Variants in NPM1 observed in about 807,000 individuals in gnomAD.
NPM1 encodes the protein nucleophosmin.
In NPM1, 1 loss-of-function variant was observed where a neutral mutation model predicts 44.1. The observed-to-expected ratio is 0.02, with a 90% CI of 0.01 to 0.11. NPM1 has a LOEUF of 0.11. NPM1 is among the 10% of genes least tolerant of loss of function. The pLI is 1.00. For synonymous variants in NPM1, 126 were observed against 111.8 expected (o/e 1.13, Z -0.80); for missense variants, 197 against 347.8 (o/e 0.57, Z 3.45).
At chr5:171,398,492 T>C (rs898784264) in intron 6 of NPM1, among the ~76,000 whole-genome samples, 4 of 152,176 alleles carry the variant, frequency 2.6e-5, no homozygotes, top group Admixed American at 2.0e-4. Context: ...GAGTCACTTA[T>C]GGCTGGGTGT....
chr5:171,406,602 C>G (rs528965239), intron 9 of NPM1: 1 of 1,390,416 alleles, frequency 7.2e-7, no homozygotes, highest in Non-Finnish European at 9.3e-7. Flanking sequence ...GCACTTTCTT[C>G]TGACTGCTGT....
At chr5:171,394,502 A>G (rs936649870) in intron 6 of NPM1, among the ~76,000 whole-genome samples, 3 of 152,152 alleles carry the variant, frequency 2.0e-5, no homozygotes, top group Non-Finnish European at 2.9e-5. Context: ...GTGTTTTACC[A>G]TGCTACTCAG....
chr5:171,402,053 C>CTTTTTTT lies in NPM1; in HGVS notation c.669+1138_669+1144dup, dbSNP rs34648553. On this transcript the variant is annotated intron_variant, in intron 8 of 10. Transcript: ENST00000296930. The stretch of plus-strand genomic sequence containing the variant: ...TTATTCTTAGGGATTTTCTGATTTC[C>CTTTTTTT]TTTTTTTTTTTTTTTTAACCTGATG... Among the ~76,000 whole-genome samples the CTTTTTTT allele has an allele frequency of 7.4e-3, 990 of 133,576 alleles. 16 individuals are homozygous for CTTTTTTT. The highest frequency in any genetic ancestry group is 0.025 in the African/African-American group (915 of 35,898). The allele number at this position is 133,576 out of a possible 152,430, so 87.6% of individuals were successfully genotyped here. A position where few individuals can be genotyped will look rare whatever the true frequency, so the allele number is the denominator to read the frequency against.
In NPM1 at chr5:171,394,559, A is replaced by G. The variant is rs77757505; in HGVS notation, c.524+1581A>G. On this transcript the variant is annotated intron_variant, in intron 6 of 10. Coordinates refer to ENST00000296930, the MANE Select transcript of NPM1 (RefSeq NM_002520.7). ...ACAAGCTATCCTCCCCTCTCAGACT[A>G]TGAAGCAGGTGGGGTTACAGGAGCA... 3.3e-3 allele frequency among the ~76,000 whole-genome samples: 506 copies of G among 152,226 alleles called. 5 individuals are homozygous for G. Among genetic ancestry groups the G allele is most frequent in the African/African-American group, 0.011 (454 of 41,554 alleles).
In NPM1 at chr5:171,391,290, T is replaced by TG; in HGVS notation, c.139-15_139-14insG. The TG allele has an allele frequency of 6.2e-7, 1 of 1,603,894 alleles. No homozygotes were observed. The highest frequency in any genetic ancestry group is 2.2e-5 in the East Asian group (1 of 44,774). On this transcript the variant is annotated splice_polypyrimidine_tract_variant and intron_variant, in intron 2 of 10. Coordinates refer to ENST00000296930, the MANE Select transcript of NPM1 (RefSeq NM_002520.7). ...GAACTCAAAAGTTGAAGTAGTATTTTTTTTTTGTTCACAGGTCAGTTTAGG... is the reference window on the plus strand; with the variant it reads ...GAACTCAAAAGTTGAAGTAGTATTTTGTTTTTTGTTCACAGGTCAGTTTAGG...
chr5:171,398,161 G>A (rs1275072947), intron 6 of NPM1, among the ~76,000 whole-genome samples: 2 of 152,150 alleles, frequency 1.3e-5, no homozygotes, highest in East Asian at 1.9e-4. Context: ...CCACCATTCC[G>A]TGAATTGTTA....
intron 6 of NPM1, among the ~76,000 whole-genome samples, chr5:171,398,707 G>A (rs1771037175): frequency 6.6e-6 from 1 of 152,094 alleles, no homozygotes; most frequent in African/African-American, 2.4e-5. Context: ...GGGAGGCAGA[G>A]GTTGCAGTGA....
chr5:171,392,584 CT>C (rs1466817839), intron 4 of NPM1, 125 bp from the exon 5 acceptor site: 2 of 523,950 alleles, frequency 3.8e-6, no homozygotes, highest in South Asian at 3.4e-5. Context: ...TTCCCATGTG[CT>C]CTTTTTTTTT....
rs532496841 is a variant in NPM1, at chr5:171,402,172, A to G, written c.669+1247A>G. Among the ~76,000 whole-genome samples, 660 of 150,944 alleles carry G rather than the reference A, an allele frequency of 4.4e-3. 1 individual carries two copies. The highest frequency in any genetic ancestry group is 6.1e-3 in the Non-Finnish European group (411 of 67,822). ...TGTAACTAATGATGAACCTCCATAC[A>G]AACAACCCCACTAAAAAGTGGGCAA... On this transcript the variant is annotated intron_variant, in intron 8 of 10. Transcript: ENST00000296930.
intron 6 of NPM1, among the ~76,000 whole-genome samples, chr5:171,395,373 C>A (rs373595817): frequency 6.6e-6 from 1 of 151,688 alleles, no homozygotes; most frequent in Non-Finnish European, 1.5e-5. Context: ...GATCTCTGCT[C>A]GCTGCAACCT....
chr5:171,397,533 A>C (rs1325535177), intron 6 of NPM1, among the ~76,000 whole-genome samples: 1 of 152,230 alleles, frequency 6.6e-6, no homozygotes, highest in Non-Finnish European at 1.5e-5. Flanking sequence ...TGGACTAATA[A>C]TGAGCATCTT....
At chr5:171,404,800 G>A (rs1438659479) in intron 8 of NPM1, among the ~76,000 whole-genome samples, 1 of 151,266 alleles carries the variant, frequency 6.6e-6, no homozygotes, top group Non-Finnish European at 1.5e-5. Context: ...GGAGGTGTAG[G>A]TTGTAGTGAG....
At chr5:171,399,341 C>T (rs1771073095) in intron 6 of NPM1, among the ~76,000 whole-genome samples, 1 of 152,142 alleles carries the variant, frequency 6.6e-6, no homozygotes, top group African/African-American at 2.4e-5. Context: ...AGTTCACTGT[C>T]TCAAGCAGAT....
chr5:171,407,735 C>T lies in NPM1; in HGVS notation c.807C>T (p.Ile269=), dbSNP rs944575847. 2 of 1,611,554 alleles carry T rather than the reference C, an allele frequency of 1.2e-6. No individual in the cohort carries two copies. Among genetic ancestry groups the T allele is most frequent in the South Asian group, 2.2e-5 (2 of 91,002 alleles). Residue 269 remains isoleucine, a synonymous_variant, in exon 10 of 11, where the codon ATC becomes ATT. Transcript: ENST00000296930. Reference sequence around the variant, plus strand: ...TTCCCAAAGTGGAAGCCAAATTCATCAATTATGTGAAGAATTGCTTCCGGA... The same window carrying T: ...TTCCCAAAGTGGAAGCCAAATTCATTAATTATGTGAAGAATTGCTTCCGGA... ...GSLPKVEAKF[I]NYVKNCFRMT...
chr5:171,391,679 T>TA, intron 3 of NPM1, 27 bp from the exon 4 acceptor site: 1 of 1,419,950 alleles, frequency 7.0e-7, no homozygotes, highest in Non-Finnish European at 9.9e-7. Flanking sequence ...TTCACATGTT[T>TA]AGTGATGAAA....
rs1265489267 is a variant in NPM1 at position 171,391,807 on chromosome 5, A to G, written c.352+8A>G. The G allele has an allele frequency of 2.6e-6, 4 of 1,517,152 alleles. No individual in the cohort carries two copies. Among genetic ancestry groups the G allele is most frequent in the South Asian group, 1.1e-5 (1 of 88,904 alleles). 94.0% of individuals were successfully genotyped at this position (1,517,152 alleles called of 1,614,324 possible). ...GTGGACAGCACTTAGTAGGTATGTT[A>G]TTTTTATATATTATACTACTTAGTT... On this transcript the variant is annotated splice_region_variant and intron_variant, in intron 4 of 10. Coordinates refer to ENST00000296930, the MANE Select transcript of NPM1 (RefSeq NM_002520.7).
At chr5:171,399,006 A>G (rs900029386) in intron 6 of NPM1, among the ~76,000 whole-genome samples, 3 of 152,020 alleles carry the variant, frequency 2.0e-5, no homozygotes, top group Non-Finnish European at 4.4e-5. Flanking sequence ...GCCCGCCACC[A>G]TGCCCGGCTA....
intron 6 of NPM1, among the ~76,000 whole-genome samples, chr5:171,394,606 G>A (rs1324307928): frequency 6.6e-6 from 1 of 152,138 alleles, no homozygotes; most frequent in Admixed American, 6.6e-5. Flanking sequence ...AGCTTGTTTG[G>A]TTATCACTTT....
At chr5:171,400,446 C>G (rs1771134307) in intron 7 of NPM1, among the ~76,000 whole-genome samples, 2 of 148,178 alleles carry the variant, frequency 1.3e-5, no homozygotes, top group South Asian at 4.4e-4. Context: ...CAAGTGGTTG[C>G]TGCTTTTTCC....
Sources: gnomAD v4.1 joint callset for allele counts (sites outside exome capture counted in the v4.1 genomes callset) on GRCh38, gnomAD v4.1.1 for gene constraint, MANE v1.5 for transcripts, NCBI Gene and HGNC (gene_info 2026-07-23, HGNC 2026-07-21) for gene names.